The following FRK variants were observed in gnomAD, a reference collection of about 807,000 sequenced individuals.
The protein encoded by FRK is tyrosine-protein kinase FRK.
FRK carries 51 observed loss-of-function variants against 56.4 expected under a neutral mutation model. The ratio of observed to expected loss-of-function variants is 0.90; its 90% CI spans 0.72 to 1.14. FRK has a LOEUF of 1.14. Among genes scored for constraint, FRK ranks in the 50% most tolerant of loss-of-function variants. The probability of loss-of-function intolerance (pLI) is 0.00; values close to 1 mark genes in which losing one functional copy is unlikely to be tolerated. For missense variants in FRK, 570 were observed against 601.4 expected (o/e 0.95, Z 0.55); for synonymous variants, 245 against 217.9 (o/e 1.12, Z -1.10).
the FRK span, among the ~76,000 whole-genome samples, chr6:116,069,004 A>G: frequency 6.6e-5 from 10 of 152,318 alleles, no homozygotes; most frequent in South Asian, 2.1e-3. Context: ...ATATTCTTGT[A>G]TATGCAATCT....
At chr6:115,998,990 A>C (rs1410374036) in intron 2 of FRK, among the ~76,000 whole-genome samples, 1 of 152,194 alleles carries the variant, frequency 6.6e-6, no homozygotes, top group Non-Finnish European at 1.5e-5. Flanking sequence ...CACAGTATTC[A>C]ATGCAGAATC....
chr6:116,062,018 GAAAGA>G (rs138011154), upstream of FRK, among the ~76,000 whole-genome samples: 2,100 of 151,154 alleles, frequency 0.014, 39 homozygotes, highest in African/African-American at 0.048. Context: ...AAGAAAGAAA[GAAAGA>G]AAAGAAAAGA....
chr6:116,064,059 T>G (rs1279111182), upstream of FRK, among the ~76,000 whole-genome samples: 1 of 152,244 alleles, frequency 6.6e-6, no homozygotes, highest in Non-Finnish European at 1.5e-5. Context: ...GGAATAAACC[T>G]TAGTTCTTCA....
intron 1 of FRK, among the ~76,000 whole-genome samples, chr6:116,045,099 A>G (rs1776890886): frequency 6.6e-6 from 1 of 152,188 alleles, no homozygotes; most frequent in South Asian, 2.1e-4. Flanking sequence ...AAACAAATGG[A>G]AAAACATTCC....
chr6:115,973,644 CA>C (rs2114616859), intron 2 of FRK, among the ~76,000 whole-genome samples: 1 of 152,188 alleles, frequency 6.6e-6, no homozygotes, highest in Non-Finnish European at 1.5e-5. Flanking sequence ...CCAAGGTGGG[CA>C]GATCACTTGA....
At chr6:115,979,160 C>A (rs1182643950) in intron 2 of FRK, among the ~76,000 whole-genome samples, 1 of 151,974 alleles carries the variant, frequency 6.6e-6, no homozygotes, top group Non-Finnish European at 1.5e-5. Context: ...CAGGAGCATT[C>A]CAGAAGAAAG....
chr6:116,040,582 T>C (rs1776674186), intron 1 of FRK, among the ~76,000 whole-genome samples: 3 of 152,160 alleles, frequency 2.0e-5, no homozygotes, highest in South Asian at 4.1e-4. Context: ...CCCGTTATTA[T>C]ACATCACTCA....
At chr6:116,084,775 A>T in the FRK span, among the ~76,000 whole-genome samples, 1 of 152,238 alleles carries the variant, frequency 6.6e-6, no homozygotes, top group Non-Finnish European at 1.5e-5. Context: ...AATTATGCCT[A>T]ATTTTGATTG....
At chr6:116,001,338 C>G (rs978977751) in intron 2 of FRK, among the ~76,000 whole-genome samples, 1 of 151,822 alleles carries the variant, frequency 6.6e-6, no homozygotes, top group Non-Finnish European at 1.5e-5. Flanking sequence ...TGTCTGTACA[C>G]ATGTGTGTAT....
the FRK span, among the ~76,000 whole-genome samples, chr6:116,080,337 G>A: frequency 6.6e-6 from 1 of 152,112 alleles, no homozygotes; most frequent in African/African-American, 2.4e-5. Flanking sequence ...TGTATTTTTA[G>A]TAGAGATGGG....
intron 1 of FRK, among the ~76,000 whole-genome samples, chr6:116,046,950 G>T (rs1776987382): frequency 6.6e-6 from 1 of 151,614 alleles, no homozygotes; most frequent in Admixed American, 6.6e-5. Context: ...TCCAAGTTGT[G>T]GTCCTGATGC....
intron 1 of FRK, among the ~76,000 whole-genome samples, chr6:116,016,604 T>C (rs1458724225): frequency 6.6e-6 from 1 of 152,146 alleles, no homozygotes; most frequent in Non-Finnish European, 1.5e-5. Context: ...GATGTACAGA[T>C]ATGTACTAGT....
At chr6:115,994,015 C>T (rs367807210) in intron 2 of FRK, among the ~76,000 whole-genome samples, 20 of 152,052 alleles carry the variant, frequency 1.3e-4, no homozygotes, top group African/African-American at 3.9e-4. Context: ...TCTATCTTCA[C>T]GTTATTGTCA....
intron 1 of FRK, among the ~76,000 whole-genome samples, chr6:116,020,943 G>T: frequency 6.6e-6 from 1 of 152,032 alleles, no homozygotes; most frequent in Non-Finnish European, 1.5e-5. Context: ...TTTCTAAACT[G>T]TGGTTGGTTT....
intron 5 of FRK, among the ~76,000 whole-genome samples, chr6:115,949,002 T>A (rs970516170): frequency 6.6e-6 from 1 of 152,132 alleles, no homozygotes; most frequent in African/African-American, 2.4e-5. Context: ...GAAGGAAGTT[T>A]CCTTGTAAGT....
intron 1 of FRK, among the ~76,000 whole-genome samples, chr6:116,027,317 G>T (rs193264055): frequency 1.6e-4 from 25 of 152,208 alleles, no homozygotes; most frequent in Middle Eastern, 3.4e-3. Flanking sequence ...CTGTCAAATA[G>T]GTTGACAGAA....
chr6:116,031,862 A>G (rs1776314676), intron 1 of FRK, among the ~76,000 whole-genome samples: 1 of 152,162 alleles, frequency 6.6e-6, no homozygotes, highest in Non-Finnish European at 1.5e-5. Flanking sequence ...TTGAGAAACA[A>G]TATGATCATT....
the FRK span, among the ~76,000 whole-genome samples, chr6:116,082,192 CAG>C: frequency 6.6e-6 from 1 of 152,080 alleles, no homozygotes; most frequent in Non-Finnish European, 1.5e-5. Context: ...TTGATTGTAG[CAG>C]AGTGAGAGAA....
At chr6:116,046,036 G>A (rs535516113) in intron 1 of FRK, among the ~76,000 whole-genome samples, 3 of 152,228 alleles carry the variant, frequency 2.0e-5, no homozygotes, top group East Asian at 1.9e-4. Flanking sequence ...ACAAACATAT[G>A]AAAAAAAGCT....
Sources: gnomAD v4.1 joint callset for allele counts (sites outside exome capture counted in the v4.1 genomes callset) on GRCh38, gnomAD v4.1.1 for gene constraint, MANE v1.5 for transcripts, NCBI Gene and HGNC (gene_info 2026-07-23, HGNC 2026-07-21) for gene names.